YAE1: variants seen among roughly 807,000 people sequenced by gnomAD.
YAE1 encodes the protein protein YAE1 homolog.
In YAE1, 22 loss-of-function variants were observed where a neutral mutation model predicts 23.0. The ratio of observed to expected loss-of-function variants is 0.96; its 90% confidence interval spans 0.68 to 1.37. The LOEUF is 1.37. Among genes scored for constraint, YAE1 ranks in the 40% most tolerant of loss-of-function variants. The pLI is 0.00. For missense variants in YAE1, 260 were observed against 262.1 expected (o/e 0.99, Z 0.06); for synonymous variants, 101 against 97.0 (o/e 1.04, Z -0.24).
At chr7:39,609,839 G>C in exon 3 of YAE1, 2 of 1,533,204 alleles carry the variant, frequency 1.3e-6, no homozygotes, top group Non-Finnish European at 1.7e-6. Context: ...CAGGCCCTGG[G>C]ACGCCGAGCC....
rs573560764 is a variant in YAE1, at chr7:39,566,410, G to T, written c.-9G>T. On this transcript the variant is annotated 5_prime_UTR_variant, in exon 1 of 3. Transcript: ENST00000223273. ...TCCGGTGGCCTGCGACCCCGTAATTGCCTCGGTGATGTCGTGGGTTCAAGC... is the reference window on the plus strand; with the variant it reads ...TCCGGTGGCCTGCGACCCCGTAATTTCCTCGGTGATGTCGTGGGTTCAAGC... 3.7e-6 allele frequency: 6 copies of T among 1,612,876 alleles called. No homozygotes were observed. The African/African-American group carries it at 5.3e-5, about 14-fold the overall frequency.
At chr7:39,587,055 CTCTT>C (rs902181500) in intron 2 of YAE1, among the ~76,000 whole-genome samples, 27 of 149,596 alleles carry the variant, frequency 1.8e-4, no homozygotes, top group African/African-American at 4.9e-4. Context: ...TTCTTTCTTT[CTCTT>C]TCTTTCTTTC....
Position 39,604,150 on chromosome 7 carries a change from G to C in YAE1, c.252-5467G>C, listed in dbSNP as rs548386645. Among the ~76,000 whole-genome samples the C allele has an allele frequency of 2.6e-5, 4 of 152,280 alleles. No individual in the cohort carries two copies. The East Asian group carries it at 5.8e-4, about 22-fold the overall frequency. ...ATGTTCCTCTGACATTTCCAGCTGAGAGCAAAGTGGCTATAGCTGTGCCTG... is the reference window on the plus strand; with the variant it reads ...ATGTTCCTCTGACATTTCCAGCTGACAGCAAAGTGGCTATAGCTGTGCCTG... On this transcript the variant is annotated intron_variant, in intron 2 of 2. Coordinates refer to the YAE1 transcript ENST00000432096.
chr7:39,573,963 A>T (rs1031395616), downstream of YAE1, among the ~76,000 whole-genome samples: 1 of 152,208 alleles, frequency 6.6e-6, no homozygotes, highest in African/African-American at 2.4e-5. Flanking sequence ...ATATGTTTCC[A>T]TGTTTATGGA....
Position 39,572,333 on chromosome 7 carries a change from T to G in YAE1, c.308T>G (p.Ile103Arg), listed in dbSNP as rs756717845. 3 of 1,613,868 alleles carry G rather than the reference T, an allele frequency of 1.9e-6. No individual in the cohort carries two copies. In the African/African-American group the frequency reaches 4.0e-5, roughly 22 times the overall value. ...HNNNSTLINK[I>R]NNLLDAVGQC... ...AATAATTCAACTTTGATCAATAAAATAAACAATCTTCTGGATGCAGTTGGC... is the reference window on the plus strand; with the variant it reads ...AATAATTCAACTTTGATCAATAAAAGAAACAATCTTCTGGATGCAGTTGGC... Residue 103 changes from isoleucine (I) to arginine (R), a missense_variant, in exon 3 of 3, where the codon ATA (isoleucine) becomes AGA (arginine). Ile to Arg is a moderately conservative substitution (Grantham distance 97). Transcript: ENST00000223273.
In YAE1 at chr7:39,572,642, C is replaced by G. The variant is rs1183446235; in HGVS notation, c.617C>G (p.Thr206Arg). 1 of 1,613,700 alleles carries G rather than the reference C, an allele frequency of 6.2e-7. No homozygotes were observed. Among genetic ancestry groups the G allele is most frequent in the Non-Finnish European group, 8.5e-7 (1 of 1,179,816 alleles). Residue 206 changes from threonine to arginine, a missense_variant, in exon 3 of 3, where the codon ACA becomes AGA. Transcript: ENST00000223273. ...AGCCCCACATGGATTTTGGAACAGA[C>G]AGCCAGTTTAGTTAAACAGCTGGGC... ...NPSPTWILEQ[T>R]ASLVKQLGLS...
chr7:39,604,152 G>T (rs1195628282), intron 2 of YAE1, among the ~76,000 whole-genome samples: 1 of 152,208 alleles, frequency 6.6e-6, no homozygotes, highest in Non-Finnish European at 1.5e-5. Flanking sequence ...CCAGCTGAGA[G>T]CAAAGTGGCT....
Position 39,568,711 on chromosome 7 carries a change from G to A in YAE1, c.130-1795G>A, listed in dbSNP as rs189043662. On this transcript the variant is annotated intron_variant, in intron 1 of 2. Coordinates refer to ENST00000223273, the MANE Select transcript of YAE1 (RefSeq NM_020192.5). ...ATTTGAAAAATAAAAAATGTAACCC[G>A]TAATAAATAAGAAAAATACAAGAGA... 1.8e-4 allele frequency among the ~76,000 whole-genome samples: 28 copies of A among 152,198 alleles called. 1 individual carries two copies. In the East Asian group the frequency reaches 4.0e-3, roughly 22 times the overall value.
intron 2 of YAE1, among the ~76,000 whole-genome samples, chr7:39,606,249 G>T (rs1356722963): frequency 6.6e-6 from 1 of 152,094 alleles, no homozygotes. Context: ...GTTACAGATT[G>T]TATTTTTAAA....
intron 2 of YAE1, among the ~76,000 whole-genome samples, chr7:39,580,529 TGAGA>T (rs142701176): frequency 0.074 from 11,246 of 152,302 alleles, 435 homozygotes; most frequent in East Asian, 0.12. Context: ...AACTCACCAC[TGAGA>T]GAGGCCTTGG....
rs540208916 is a variant in YAE1 at position 39,587,558 on chromosome 7, G to A, written c.251+16931G>A. ...GGAATGTTGCACCCTGTTGTACCAT[G>A]TTGTATTTGGAATTTACCAACTGAC... On this transcript the variant is annotated intron_variant, in intron 2 of 2. Coordinates refer to the YAE1 transcript ENST00000432096. Among the ~76,000 whole-genome samples the A allele has an allele frequency of 1.8e-4, 27 of 152,290 alleles. No individual in the cohort carries two copies. In the East Asian group the frequency reaches 4.6e-3, roughly 26 times the overall value.
Position 39,572,276 on chromosome 7 carries a change from G to A in YAE1, c.252-1G>A, listed in dbSNP as rs1790580303. 6.2e-7 allele frequency: 1 copy of A among 1,605,240 alleles called. No individual in the cohort carries two copies. Among genetic ancestry groups the A allele is most frequent in the Non-Finnish European group, 8.5e-7 (1 of 1,175,174 alleles). On this transcript the variant is annotated splice_acceptor_variant, in intron 2 of 2. Coordinates refer to ENST00000223273, the MANE Select transcript of YAE1 (RefSeq NM_020192.5). LOFTEE classifies it high-confidence loss of function. ...TAACCCTTGTTTATACTTTTGTTCA[G>A]TGCTTTGCTCTCCTGGTGTCACCTT...
intron 1 of YAE1, chr7:39,569,548 G>A (rs1790532404): frequency 1.9e-6 from 1 of 513,434 alleles, no homozygotes; most frequent in Non-Finnish European, 3.8e-6. Context: ...TTTTTTGAAG[G>A]GTATGGCTGT....
In YAE1 at chr7:39,572,518, G is replaced by A. The variant is rs1489421408; in HGVS notation, c.493G>A (p.Ala165Thr). The A allele has an allele frequency of 6.2e-7, 1 of 1,614,104 alleles. No homozygotes were observed. Among genetic ancestry groups the A allele is most frequent in the African/African-American group, 1.3e-5 (1 of 75,056 alleles). ...AGATGAAAGACTCTGTGAAAATAAT[G>A]CTGAGTTTAACAAAAACTGTAGCAA... ...AKDERLCENN[A>T]EFNKNCSKSH... Residue 165 changes from alanine (A) to threonine (T), a missense_variant, in exon 3 of 3, where the codon GCT (alanine) becomes ACT (threonine). Physicochemically the swap from Ala to Thr is moderately conservative, Grantham distance 58. Coordinates refer to ENST00000223273, the MANE Select transcript of YAE1 (RefSeq NM_020192.5).
Position 39,566,461 on chromosome 7 carries a change from G to A in YAE1, c.43G>A (p.Asp15Asn), listed in dbSNP as rs751446840. Residue 15 changes from aspartate to asparagine, a missense_variant, in exon 1 of 3, where the codon GAC (aspartate) becomes AAC (asparagine). Transcript: ENST00000223273. The stretch of plus-strand genomic sequence containing the variant: ...AGCCTCCTTGATCCAGGGCCCTGGA[G>A]ACAAAGGGGACGTGTTTGACGAAGA... Reference protein sequence around the residue: ...QAASLIQGPGDKGDVFDEEAD... With the variant: ...QAASLIQGPGNKGDVFDEEAD... 7 of 1,614,236 alleles carry A rather than the reference G, an allele frequency of 4.3e-6. No individual in the cohort carries two copies. Among genetic ancestry groups the A allele is most frequent in the South Asian group, 1.1e-5 (1 of 91,086 alleles).
intron 2 of YAE1, among the ~76,000 whole-genome samples, chr7:39,592,141 C>T (rs151019174): frequency 5.3e-5 from 8 of 152,332 alleles, no homozygotes; most frequent in African/African-American, 1.9e-4. Context: ...CTGCAATAAA[C>T]ATCTTTGTGC....
chr7:39,601,207 T>A (rs1283368516), intron 2 of YAE1, among the ~76,000 whole-genome samples: 1 of 152,230 alleles, frequency 6.6e-6, no homozygotes, highest in Non-Finnish European at 1.5e-5. Flanking sequence ...AGCATCATAT[T>A]ACTAAGTTCT....
chr7:39,579,520 T>C (rs942377497), intron 2 of YAE1, among the ~76,000 whole-genome samples: 24 of 151,732 alleles, frequency 1.6e-4, no homozygotes, highest in African/African-American at 5.6e-4. Context: ...AATACAAAAA[T>C]TAGTCTTGTG....
chr7:39,603,028 C>T (rs1227119528), intron 2 of YAE1, among the ~76,000 whole-genome samples: 1 of 152,168 alleles, frequency 6.6e-6, no homozygotes. Context: ...GGATTACAGG[C>T]GTTAGCCACT....
Sources: allele counts gnomAD v4.1 joint callset (sites outside exome capture counted in the v4.1 genomes callset), GRCh38; gene constraint gnomAD v4.1.1; transcripts MANE v1.5; gene names NCBI Gene and HGNC (gene_info 2026-07-23, HGNC 2026-07-21).